Variants in NAALADL2 observed in about 807,000 individuals in gnomAD.
NAALADL2 encodes inactive N-acetylated-alpha-linked acidic dipeptidase-like protein 2.
A neutral mutation model predicts 87.2 loss-of-function variants in NAALADL2; 76 were observed. That is an observed-to-expected ratio of 0.87 (90% CI 0.72 to 1.05). The LOEUF (loss-of-function observed/expected upper bound fraction) is 1.05. Ranked by LOEUF, NAALADL2 falls within the 50% of genes least tolerant of loss-of-function variation. NAALADL2 has a pLI of 0.00. For synonymous variants in NAALADL2, 354 were observed against 331.0 expected (o/e 1.07, Z -0.75); for missense variants, 1,089 against 945.8 (o/e 1.15, Z -1.99).
chr3:175,162,574 A>G (rs1733388331), intron 2 of NAALADL2, among the ~76,000 whole-genome samples: 1 of 152,056 alleles, frequency 6.6e-6, no homozygotes, highest in Non-Finnish European at 1.5e-5. Flanking sequence ...GTGCCTCTTG[A>G]GTATGTAAGA....
At chr3:174,601,318 T>A (rs1718438615) in intron 2 of NAALADL2, among the ~76,000 whole-genome samples, 5 of 152,156 alleles carry the variant, frequency 3.3e-5, no homozygotes, top group Admixed American at 3.3e-4. Context: ...CTGCCTGTCT[T>A]TTGGATAAAA....
intron 9 of NAALADL2, among the ~76,000 whole-genome samples, chr3:175,485,220 A>T (rs1425109186): frequency 6.6e-6 from 1 of 152,136 alleles, no homozygotes; most frequent in African/African-American, 2.4e-5. Context: ...TTAAAACCTG[A>T]TTCCTCAATG....
chr3:175,535,142 C>T (rs576685881), intron 9 of NAALADL2, among the ~76,000 whole-genome samples: 2 of 152,068 alleles, frequency 1.3e-5, no homozygotes, highest in Non-Finnish European at 2.9e-5. Flanking sequence ...ATAGAAATAA[C>T]AAATTGGATG....
At position 175,394,332 on chromosome 3, in the gene NAALADL2, C is replaced by T. The variant is rs533581536; in HGVS notation, c.1091-52897C>T. Among the ~76,000 whole-genome samples, 14 of 152,246 alleles carry T rather than the reference C, an allele frequency of 9.2e-5. 1 individual carries two copies. Among genetic ancestry groups the T allele is most frequent in the African/African-American group, 3.4e-4 (14 of 41,534 alleles). ...AGTTGGAGGACTATAGTTAACAATG[C>T]ATTGTATATTTTAAAATAATTTGAA... On this transcript the variant is annotated intron_variant, in intron 5 of 13. Transcript: ENST00000454872.
rs554979449 is a variant in NAALADL2, at chr3:174,938,392, A to G, written c.43+78942A>G. ...ATGGCTGCATCGTATCGCATGGTAT[A>G]AATGTACCACATTTTCTTTATTCAA... is the stretch of plus-strand genomic sequence containing the variant. On this transcript the variant is annotated intron_variant, in intron 1 of 13. Coordinates refer to ENST00000454872, the MANE Select transcript of NAALADL2 (RefSeq NM_207015.3). Among the ~76,000 whole-genome samples, 4 of 152,212 alleles carry G rather than the reference A, an allele frequency of 2.6e-5. No individual in the cohort carries two copies. In the South Asian group the frequency reaches 8.3e-4, roughly 32 times the overall value.
At chr3:174,736,464 A>G (rs1260935712) in intron 2 of NAALADL2, among the ~76,000 whole-genome samples, 1 of 151,858 alleles carries the variant, frequency 6.6e-6, no homozygotes, top group Non-Finnish European at 1.5e-5. Context: ...GTGTTCAGCT[A>G]TCAGCAGAGA....
chr3:175,100,613 G>A (rs749508608), intron 2 of NAALADL2, among the ~76,000 whole-genome samples: 6 of 152,026 alleles, frequency 3.9e-5, no homozygotes, highest in South Asian at 2.1e-4. Context: ...CAAGGAGGGC[G>A]GATCACCTGA....
chr3:175,453,651 T>C (rs2149243201), intron 6 of NAALADL2, among the ~76,000 whole-genome samples: 1 of 152,252 alleles, frequency 6.6e-6, no homozygotes, highest in East Asian at 1.9e-4. Flanking sequence ...GAATATGTTG[T>C]TTCCTCTTCA....
At chr3:175,682,140 C>G (rs1399511774) in intron 11 of NAALADL2, among the ~76,000 whole-genome samples, 1 of 151,888 alleles carries the variant, frequency 6.6e-6, no homozygotes, top group East Asian at 1.9e-4. Flanking sequence ...AAAAATAAAA[C>G]AAAATCTTTG....
At chr3:175,008,621 G>A (rs1749360037) in intron 1 of NAALADL2, among the ~76,000 whole-genome samples, 1 of 152,054 alleles carries the variant, frequency 6.6e-6, no homozygotes, top group Non-Finnish European at 1.5e-5. Context: ...ATTTACCACT[G>A]GCCCAGGCAA....
intron 2 of NAALADL2, among the ~76,000 whole-genome samples, chr3:175,137,638 C>G (rs948569302): frequency 6.7e-6 from 1 of 148,706 alleles, no homozygotes; most frequent in African/African-American, 2.5e-5. Context: ...CAGAGTCTCC[C>G]TCTGTTGCCC....
chr3:175,765,121 C>A (rs376850959), intron 13 of NAALADL2, among the ~76,000 whole-genome samples: 8 of 151,968 alleles, frequency 5.3e-5, no homozygotes, highest in Non-Finnish European at 1.2e-4. Flanking sequence ...ATTTTAATAG[C>A]GACCACTTGC....
chr3:174,628,446 CAGCCCAGGTGACAGTGCG>C (rs2108686332), intron 2 of NAALADL2, among the ~76,000 whole-genome samples: 1 of 135,948 alleles, frequency 7.4e-6, no homozygotes, highest in Non-Finnish European at 1.5e-5. Flanking sequence ...CACTGCACTC[CAGCCCAGGTGACAGTGCG>C]AGACTGTCTC....
chr3:174,685,291 A>C (rs1727927946), intron 2 of NAALADL2, among the ~76,000 whole-genome samples: 1 of 152,072 alleles, frequency 6.6e-6, no homozygotes, highest in African/African-American at 2.4e-5. Context: ...CCCTTTGCCC[A>C]GGCCCAAATC....
chr3:174,872,733 TACACACACACACAC>T, intron 1 of NAALADL2, among the ~76,000 whole-genome samples: 1 of 148,434 alleles, frequency 6.7e-6, no homozygotes, highest in Non-Finnish European at 1.5e-5. Flanking sequence ...CACACACACA[TACACACACACACAC>T]ACACACACAT....
chr3:175,786,201 G>A (rs1168202548), intron 13 of NAALADL2, among the ~76,000 whole-genome samples: 1 of 151,822 alleles, frequency 6.6e-6, no homozygotes, highest in Non-Finnish European at 1.5e-5. Context: ...TTCTCGAGGA[G>A]TATCTTTGTG....
chr3:175,399,536 A>G (rs1326000675), intron 5 of NAALADL2, among the ~76,000 whole-genome samples: 3 of 152,150 alleles, frequency 2.0e-5, no homozygotes, highest in Admixed American at 1.3e-4. Flanking sequence ...TTTTTAGACC[A>G]TAAAGTGTAA....
intron 2 of NAALADL2, among the ~76,000 whole-genome samples, chr3:175,214,285 G>T (rs1297976076): frequency 1.3e-5 from 2 of 152,058 alleles, no homozygotes; most frequent in Non-Finnish European, 2.9e-5. Flanking sequence ...ACCAGTCATT[G>T]ATACTGTGTT....
intron 6 of NAALADL2, among the ~76,000 whole-genome samples, chr3:175,457,846 C>T (rs1211205368): frequency 2.0e-5 from 3 of 151,252 alleles, no homozygotes; most frequent in Admixed American, 6.6e-5. Context: ...AGTTGAAATT[C>T]CACTGTAAAG....
Sources: gnomAD v4.1 joint callset for allele counts (sites outside exome capture counted in the v4.1 genomes callset) on GRCh38, gnomAD v4.1.1 for gene constraint, MANE v1.5 for transcripts, NCBI Gene and HGNC (gene_info 2026-07-23, HGNC 2026-07-21) for gene names.